The following FHIT variants were observed in gnomAD, a reference collection of about 807,000 sequenced individuals.
The protein encoded by FHIT is bis(5'-adenosyl)-triphosphatase.
A neutral mutation model predicts 17.9 loss-of-function variants in FHIT; 19 were observed. The observed-to-expected ratio is 1.06, with a 90% CI of 0.74 to 1.56. FHIT has a LOEUF of 1.56. FHIT is among the 40% of genes most tolerant of loss of function. FHIT has a pLI of 0.00. For synonymous variants in FHIT, 81 were observed against 69.7 expected, an observed-to-expected ratio of 1.16 and a Z score of -0.81; for missense variants, 248 against 189.2, an observed-to-expected ratio of 1.31 and a Z score of -1.82.
At chr3:59,836,502 GA>G (rs1349818921) in intron 8 of FHIT, among the ~76,000 whole-genome samples, 1 of 152,152 alleles carries the variant, frequency 6.6e-6, no homozygotes, top group African/African-American at 2.4e-5. Context: ...CCTGTTACAG[GA>G]AGGCTGACCT....
intron 4 of FHIT, among the ~76,000 whole-genome samples, chr3:60,584,795 T>G (rs2037854690): frequency 6.6e-6 from 1 of 151,978 alleles, no homozygotes; most frequent in Non-Finnish European, 1.5e-5. Context: ...CTTTTTTATT[T>G]TTGCTACTAC....
At chr3:60,366,452 A>C (rs1179599959) in intron 5 of FHIT, among the ~76,000 whole-genome samples, 2 of 152,144 alleles carry the variant, frequency 1.3e-5, no homozygotes, top group Admixed American at 6.5e-5. Context: ...ATGCCATCTC[A>C]TTTGACCCTT....
At chr3:60,914,454 G>C (rs1193610997) in intron 3 of FHIT, among the ~76,000 whole-genome samples, 1 of 151,892 alleles carries the variant, frequency 6.6e-6, no homozygotes. Flanking sequence ...GAGGAGAATG[G>C]CCATGGAAGG....
chr3:60,793,279 C>T (rs1453062077), intron 4 of FHIT, among the ~76,000 whole-genome samples: 1 of 151,642 alleles, frequency 6.6e-6, no homozygotes. Flanking sequence ...GCTGAGAAGA[C>T]CATGAACAAG....
At chr3:60,492,508 ATT>A (rs34685557) in intron 5 of FHIT, among the ~76,000 whole-genome samples, 91 of 141,492 alleles carry the variant, frequency 6.4e-4, no homozygotes, top group African/African-American at 1.4e-3. Context: ...GAAAGATGGC[ATT>A]TTTTTTTTTT....
intron 7 of FHIT, among the ~76,000 whole-genome samples, chr3:59,973,985 G>GAAA (rs5849314): frequency 4.7e-5 from 7 of 148,548 alleles, no homozygotes; most frequent in Admixed American, 6.7e-5. Flanking sequence ...ATAAAGAAAA[G>GAAA]AAAAAAAAAA....
At chr3:60,763,629 AAC>A (rs1699741125) in intron 4 of FHIT, among the ~76,000 whole-genome samples, 1 of 152,202 alleles carries the variant, frequency 6.6e-6, no homozygotes, top group African/African-American at 2.4e-5. Flanking sequence ...TGTATCCAGC[AAC>A]ACATGGCGAT....
intron 1 of FHIT, among the ~76,000 whole-genome samples, chr3:61,243,826 G>T (rs557038100): frequency 6.6e-6 from 1 of 152,152 alleles, no homozygotes; most frequent in Non-Finnish European, 1.5e-5. Context: ...GATACAAGGA[G>T]GGTAGGGGAG....
intron 5 of FHIT, among the ~76,000 whole-genome samples, chr3:60,488,514 C>T (rs770131999): frequency 3.3e-5 from 5 of 152,048 alleles, no homozygotes; most frequent in African/African-American, 4.8e-5. Context: ...GTCACTGGAG[C>T]GGGGTCTTGA....
At chr3:60,707,325 G>A (rs539097391) in intron 4 of FHIT, among the ~76,000 whole-genome samples, 2 of 152,260 alleles carry the variant, frequency 1.3e-5, no homozygotes, top group South Asian at 2.1e-4. Flanking sequence ...CACTGACACA[G>A]GAGACTGACA....
intron 8 of FHIT, among the ~76,000 whole-genome samples, chr3:59,762,871 G>C (rs892165307): frequency 7.2e-5 from 11 of 152,172 alleles, no homozygotes; most frequent in African/African-American, 9.7e-5. Flanking sequence ...AGGGACTAGA[G>C]ATCTCTGCCA....
At chr3:60,295,184 A>G (rs1174989418) in intron 5 of FHIT, among the ~76,000 whole-genome samples, 2 of 152,086 alleles carry the variant, frequency 1.3e-5, no homozygotes, top group East Asian at 1.9e-4. Flanking sequence ...CAGGAGTTTG[A>G]GGCTACAGTG....
chr3:60,421,235 C>G (rs921542677), intron 5 of FHIT, among the ~76,000 whole-genome samples: 1 of 152,072 alleles, frequency 6.6e-6, no homozygotes, highest in African/African-American at 2.4e-5. Flanking sequence ...TTTTGCTCCA[C>G]TTCAACTGTT....
intron 5 of FHIT, among the ~76,000 whole-genome samples, chr3:60,049,709 T>A (rs1701795161): frequency 6.6e-6 from 1 of 152,254 alleles, no homozygotes; most frequent in Admixed American, 6.5e-5. Context: ...AAAAATAAAT[T>A]TTCTTGGTAC....
intron 4 of FHIT, among the ~76,000 whole-genome samples, chr3:60,584,529 C>T (rs1198014467): frequency 2.6e-5 from 4 of 151,984 alleles, no homozygotes; most frequent in Admixed American, 6.6e-5. Flanking sequence ...AGTTACTACT[C>T]CCTTTGGAAT....
intron 4 of FHIT, among the ~76,000 whole-genome samples, chr3:60,803,650 C>G (rs1701279988): frequency 6.6e-6 from 1 of 152,070 alleles, no homozygotes; most frequent in African/African-American, 2.4e-5. Flanking sequence ...TGGGGAGCAG[C>G]GGGGATATCA....
intron 3 of FHIT, among the ~76,000 whole-genome samples, chr3:60,866,530 C>T (rs1311052805): frequency 4.6e-5 from 7 of 152,162 alleles, no homozygotes; most frequent in African/African-American, 1.4e-4. Context: ...GTGGATCTTA[C>T]AGCCCCAGTC....
chr3:59,856,471 A>G (rs75729546), intron 8 of FHIT, among the ~76,000 whole-genome samples: 5,157 of 152,290 alleles, frequency 0.034, 147 homozygotes, highest in African/African-American at 0.077. Flanking sequence ...AATCAGTATA[A>G]CCCTGTTACT....
chr3:61,236,239 A>G (rs2040228799), intron 1 of FHIT, among the ~76,000 whole-genome samples: 1 of 147,786 alleles, frequency 6.8e-6, no homozygotes, highest in Admixed American at 6.8e-5. Flanking sequence ...TAATATAGAT[A>G]TATAAATATA....
Sources: allele counts gnomAD v4.1 joint callset (sites outside exome capture counted in the v4.1 genomes callset), GRCh38; gene constraint gnomAD v4.1.1; transcripts MANE v1.5; gene names NCBI Gene and HGNC (gene_info 2026-07-23, HGNC 2026-07-21).